CDCA7L: variants seen among roughly 807,000 people sequenced by gnomAD.
The protein encoded by CDCA7L is cell division cycle associated 7 like, also known as cell division cycle-associated 7-like protein.
A neutral mutation model predicts 57.4 loss-of-function variants in CDCA7L; 44 were observed. That is an observed-to-expected ratio of 0.77 (90% CI 0.60 to 0.98). The LOEUF (loss-of-function observed/expected upper bound fraction) is 0.98. Among genes scored for constraint, CDCA7L ranks in the 50% least tolerant of loss-of-function variants. The pLI, the probability that CDCA7L is intolerant of heterozygous loss-of-function variation, is 0.00. For missense variants in CDCA7L, 644 were observed against 580.6 expected, an observed-to-expected ratio of 1.11 and a Z score of -1.12; for synonymous variants, 236 against 202.8, an observed-to-expected ratio of 1.16 and a Z score of -1.39.
rs141951506 is a variant in CDCA7L at position 21,900,988 on chromosome 7, C to A, written c.*1334G>T. On this transcript the variant is annotated 3_prime_UTR_variant, in exon 10 of 10. Coordinates refer to ENST00000406877, the MANE Select transcript of CDCA7L (RefSeq NM_018719.5). Reference sequence around the variant, plus strand: ...TAGCAAGCTGCCACACAATTGCAACCGCTGTGTTTTTGCCATAGGCGCCCG... The same window carrying A: ...TAGCAAGCTGCCACACAATTGCAACAGCTGTGTTTTTGCCATAGGCGCCCG... 5.8e-6 allele frequency: 9 copies of A among 1,558,252 alleles called. No homozygotes were observed. In the East Asian group the frequency reaches 6.8e-5, roughly 12 times the overall value.
Position 21,902,005 on chromosome 7 carries a change from GTTTTCTCTCTAAC to G in CDCA7L, c.*304_*316del, listed in dbSNP as rs1562616727. Reference sequence around the variant, plus strand: ...CAAGTGCAGGAGCTGATCATACAATGTTTTCTCTCTAACTTACTTACCTGAACTTTAACCCCAC... The same window carrying G: ...CAAGTGCAGGAGCTGATCATACAATGTTACTTACCTGAACTTTAACCCCAC... On this transcript the variant is annotated 3_prime_UTR_variant, in exon 10 of 10. Coordinates refer to ENST00000406877, the MANE Select transcript of CDCA7L (RefSeq NM_018719.5). The G allele has an allele frequency of 2.8e-6, 1 of 356,918 alleles. No individual in the cohort carries two copies. The highest frequency in any genetic ancestry group is 5.2e-6 in the Non-Finnish European group (1 of 191,432). The allele number at this position is 356,918 out of a possible 1,614,324, so 22.1% of individuals were successfully genotyped here.
intron 4 of CDCA7L, among the ~76,000 whole-genome samples, chr7:21,907,497 A>G (rs1439667442): frequency 6.6e-6 from 1 of 152,232 alleles, no homozygotes; most frequent in Non-Finnish European, 1.5e-5. Flanking sequence ...AACAATTATG[A>G]AGCAAACAAT....
chr7:21,908,543 C>T (rs1425463394), intron 3 of CDCA7L, 36 bp from the exon 4 acceptor site: 40 of 1,436,154 alleles, frequency 2.8e-5, no homozygotes, highest in Non-Finnish European at 3.7e-5. Flanking sequence ...CACAAAGACA[C>T]TGTTACAGAC....
chr7:21,926,946 A>G (rs1785850047), intron 1 of CDCA7L, among the ~76,000 whole-genome samples: 1 of 152,168 alleles, frequency 6.6e-6, no homozygotes, highest in Non-Finnish European at 1.5e-5. Flanking sequence ...AGCCACACAC[A>G]GGTCCAGGCA....
intron 1 of CDCA7L, among the ~76,000 whole-genome samples, chr7:21,925,533 G>A: frequency 6.6e-6 from 1 of 152,166 alleles, no homozygotes; most frequent in East Asian, 1.9e-4. Flanking sequence ...CCAGGAAAAT[G>A]TAGCTAAACT....
intron 2 of CDCA7L, among the ~76,000 whole-genome samples, chr7:21,912,488 T>C (rs891312599): frequency 2.4e-4 from 37 of 152,182 alleles, no homozygotes; most frequent in Non-Finnish European, 3.7e-4. Context: ...TGCTTTCACA[T>C]AGAACCAAAA....
chr7:21,902,762 GTTGAGTTGAA>G (rs1784970008), intron 9 of CDCA7L: 1 of 537,078 alleles, frequency 1.9e-6, no homozygotes, highest in Non-Finnish European at 3.2e-6. Flanking sequence ...GCAACGTGGA[GTTGAGTTGAA>G]AAATCTAGCA....
intron 1 of CDCA7L, among the ~76,000 whole-genome samples, chr7:21,917,463 C>G (rs1296372523): frequency 6.6e-6 from 1 of 152,114 alleles, no homozygotes; most frequent in East Asian, 1.9e-4. Context: ...GATAATTGAT[C>G]CCAGAGAGAA....
In CDCA7L at chr7:21,901,458, C is replaced by G; in HGVS notation, c.*864G>C. The G allele has an allele frequency of 1.6e-6, 1 of 610,770 alleles. No homozygotes were observed. The highest frequency in any genetic ancestry group is 4.1e-5 in the East Asian group (1 of 24,518). 37.8% of individuals were successfully genotyped at this position (610,770 alleles called of 1,614,324 possible). A position where few individuals can be genotyped will look rare whatever the true frequency, so the allele number is the denominator to read the frequency against. On this transcript the variant is annotated 3_prime_UTR_variant, in exon 10 of 10. Coordinates refer to ENST00000406877, the MANE Select transcript of CDCA7L (RefSeq NM_018719.5). ...AGCGTGGTGGCACACGACTGTAATC[C>G]CAGTTACTCAGGAGGTAGGAGAATC...
chr7:21,905,588 A>C lies in CDCA7L; in HGVS notation c.965T>G (p.Phe322Cys). The change falls in exon 7 of 10, where the codon TTT becomes TGT. Residue 322 changes from phenylalanine (F) to cysteine (C), a missense_variant. Phe to Cys is a radical substitution (Grantham distance 205). Coordinates refer to ENST00000406877, the MANE Select transcript of CDCA7L (RefSeq NM_018719.5). The part of the protein sequence containing the change: ...EYRRRHRISS[F>C]RPVEDITEED... Reference sequence around the variant, plus strand: ...TTCGGTGATATCCTCCACTGGCCGAAAAGAAGATATACGGTGACGTCGTCT... The same window carrying C: ...TTCGGTGATATCCTCCACTGGCCGACAAGAAGATATACGGTGACGTCGTCT... 6.2e-7 allele frequency: 1 copy of C among 1,614,128 alleles called. No homozygotes were observed. Among genetic ancestry groups the C allele is most frequent in the Non-Finnish European group, 8.5e-7 (1 of 1,180,022 alleles).
At chr7:21,903,644 G>C (rs938711300) in intron 8 of CDCA7L, 1 of 162,274 alleles carries the variant, frequency 6.2e-6, no homozygotes, top group Non-Finnish European at 1.4e-5. Flanking sequence ...TCATTTTACC[G>C]AGGGAGCTGA....
chr7:21,929,073 A>G (rs1289242485), intron 1 of CDCA7L, among the ~76,000 whole-genome samples: 1 of 152,188 alleles, frequency 6.6e-6, no homozygotes, highest in Non-Finnish European at 1.5e-5. Context: ...CAGGTTAACC[A>G]CAAAGGGAAG....
In CDCA7L at chr7:21,902,353, C is replaced by G. The variant is rs373220059; in HGVS notation, c.1335-1G>C. The G allele has an allele frequency of 9.9e-6, 16 of 1,613,714 alleles. No individual in the cohort carries two copies. The highest frequency in any genetic ancestry group is 1.3e-5 in the Non-Finnish European group (15 of 1,179,766). On this transcript the variant is annotated splice_acceptor_variant, in intron 9 of 9. Transcript: ENST00000406877. LOFTEE classifies it high-confidence loss of function. ...GTCTTCTACCAGCTCCTTTTGTAAG[C>G]TGGGAAAAAGATGAGAAGTATTTGG...
At chr7:21,934,296 C>A (rs1421309896) in intron 1 of CDCA7L, among the ~76,000 whole-genome samples, 1 of 152,040 alleles carries the variant, frequency 6.6e-6, no homozygotes, top group African/African-American at 2.4e-5. Flanking sequence ...GGAAAAAGAG[C>A]TATATAGGAG....
chr7:21,932,901 CAT>C (rs1240489688), intron 1 of CDCA7L, among the ~76,000 whole-genome samples: 2 of 151,586 alleles, frequency 1.3e-5, no homozygotes, highest in Non-Finnish European at 2.9e-5. Context: ...GTAATCTACC[CAT>C]ATGACAAAGG....
chr7:21,936,296 T>C (rs1583876827), intron 1 of CDCA7L, among the ~76,000 whole-genome samples: 1 of 152,096 alleles, frequency 6.6e-6, no homozygotes, highest in South Asian at 2.1e-4. Flanking sequence ...TTCCAAAAAC[T>C]TGAAGAAGGA....
intron 3 of CDCA7L, 101 bp from the exon 4 acceptor site, chr7:21,908,608 A>G: frequency 8.0e-7 from 1 of 1,251,926 alleles, no homozygotes; most frequent in Non-Finnish European, 1.1e-6. Context: ...AAAAAACATG[A>G]AAAATGAAAA....
intron 1 of CDCA7L, among the ~76,000 whole-genome samples, chr7:21,943,794 G>A (rs1786420813): frequency 6.6e-6 from 1 of 151,378 alleles, no homozygotes; most frequent in Non-Finnish European, 1.5e-5. Flanking sequence ...ATAATGGATC[G>A]GATATAATTT....
rs1222757386 is a variant in CDCA7L, at chr7:21,908,187, C to T, written c.624G>A (p.Gln208=). ...ESEDDSRDES[Q]ESSDALLKRT... is the part of the protein sequence containing the mutation. The stretch of plus-strand genomic sequence containing the variant: ...TTTTCAGCAAAGCATCTGAACTCTC[C>T]TGGCTCTCATCCCGAGAGTCATCCT... The change falls in exon 4 of 10, where the codon CAG becomes CAA. Residue 208 remains glutamine, a synonymous_variant. Coordinates refer to ENST00000406877, the MANE Select transcript of CDCA7L (RefSeq NM_018719.5). 1 of 1,606,486 alleles carries T rather than the reference C, an allele frequency of 6.2e-7. No individual in the cohort carries two copies. Among genetic ancestry groups the T allele is most frequent in the Non-Finnish European group, 8.5e-7 (1 of 1,178,256 alleles).
Sources: allele counts gnomAD v4.1 joint callset (sites outside exome capture counted in the v4.1 genomes callset), GRCh38; gene constraint gnomAD v4.1.1; transcripts MANE v1.5; gene names NCBI Gene and HGNC (gene_info 2026-07-23, HGNC 2026-07-21).